The following FHAD1 variants were observed in gnomAD, a reference collection of about 807,000 sequenced individuals.
The protein encoded by FHAD1 is forkhead associated phosphopeptide binding domain 1.
FHAD1 carries 146 observed loss-of-function variants against 191.3 expected under a neutral mutation model. The observed-to-expected ratio is 0.76, with a 90% CI of 0.67 to 0.88. The LOEUF (loss-of-function observed/expected upper bound fraction) is 0.88, where lower values mean the gene tolerates loss of function less well. Among genes scored for constraint, FHAD1 ranks in the 40% least tolerant of loss-of-function variants. FHAD1 has a pLI of 0.00. For synonymous variants in FHAD1, 616 were observed against 672.3 expected (o/e 0.92, Z 1.29); for missense variants, 1,635 against 1,785.8 (o/e 0.92, Z 1.52).
At chr1:15,268,624 T>C (rs2101130263) in intron 2 of FHAD1, among the ~76,000 whole-genome samples, 1 of 148,454 alleles carries the variant, frequency 6.7e-6, no homozygotes, top group South Asian at 2.2e-4. Flanking sequence ...AGTGTAAAAG[T>C]GTTCCTATTT....
intron 2 of FHAD1, among the ~76,000 whole-genome samples, chr1:15,258,807 C>G (rs559684439): frequency 4.3e-4 from 66 of 152,146 alleles, no homozygotes; most frequent in Non-Finnish European, 7.9e-4. Flanking sequence ...AGGCTGGTCT[C>G]AAACTCCTGA....
chr1:15,259,761 G>A (rs932306542), intron 2 of FHAD1, among the ~76,000 whole-genome samples: 2 of 152,184 alleles, frequency 1.3e-5, no homozygotes, highest in Non-Finnish European at 2.9e-5. Flanking sequence ...CTGCGTGGAT[G>A]ACCCACGAGG....
intron 2 of FHAD1, among the ~76,000 whole-genome samples, chr1:15,258,037 T>C (rs1649123079): frequency 6.6e-6 from 1 of 152,176 alleles, no homozygotes; most frequent in African/African-American, 2.4e-5. Flanking sequence ...AGACGGGGTT[T>C]CGCCACATTG....
chr1:15,307,033 G>A (rs1237938195), intron 6 of FHAD1, among the ~76,000 whole-genome samples: 1 of 152,208 alleles, frequency 6.6e-6, no homozygotes, highest in Non-Finnish European at 1.5e-5. Flanking sequence ...CATGAAAGCA[G>A]CTGGGAGAGA....
Position 15,397,465 on chromosome 1 carries a change from T to G in FHAD1, c.*52T>G. 1.2e-6 allele frequency: 1 copy of G among 839,962 alleles called. No homozygotes were observed. The highest frequency in any genetic ancestry group is 2.9e-5 in the East Asian group (1 of 34,424). 52.0% of individuals were successfully genotyped at this position (839,962 alleles called of 1,614,324 possible). ...GTGATCCTCTGTGAGTTCATGTGAC[T>G]CTTCTGTGTCATCTGTGTCAAAATA... On this transcript the variant is annotated 3_prime_UTR_variant, in exon 34 of 34. Coordinates refer to ENST00000688493, the MANE Select transcript of FHAD1 (RefSeq NM_001391957.1).
chr1:15,317,004 G>C (rs1473489734), intron 9 of FHAD1, among the ~76,000 whole-genome samples: 4 of 152,256 alleles, frequency 2.6e-5, no homozygotes, highest in African/African-American at 9.6e-5. Context: ...TGGGGAACAC[G>C]GTGAAACCCC....
chr1:15,340,344 C>G (rs1028638492), intron 15 of FHAD1, among the ~76,000 whole-genome samples: 1 of 152,206 alleles, frequency 6.6e-6, no homozygotes, highest in African/African-American at 2.4e-5. Flanking sequence ...TTACTCCTCA[C>G]GTGTCTGGGG....
intron 27 of FHAD1, among the ~76,000 whole-genome samples, chr1:15,375,240 C>T (rs1249132904): frequency 1.3e-5 from 2 of 152,194 alleles, no homozygotes; most frequent in African/African-American, 2.4e-5. Context: ...GAACCACTTA[C>T]AGTACCCCCT....
In FHAD1 at chr1:15,317,936, G is replaced by A; in HGVS notation, c.1365+8G>A. On this transcript the variant is annotated splice_region_variant and intron_variant, in intron 10 of 33. Transcript: ENST00000688493. The stretch of plus-strand genomic sequence containing the variant: ...CTGAGAGAAAAAAGCAAGGTACGTA[G>A]TGGACAACAGGCCCAGAGAGTGGTG... The A allele has an allele frequency of 1.3e-6, 2 of 1,530,822 alleles. No homozygotes were observed. The highest frequency in any genetic ancestry group is 1.8e-6 in the Non-Finnish European group (2 of 1,127,990). The allele number at this position is 1,530,822 out of a possible 1,614,324, so 94.8% of individuals were successfully genotyped here.
rs1358781882 is a variant in FHAD1 at position 15,247,238 on chromosome 1, C to A, written c.-172C>A. ...GCCTGGCGGCGTTGCCATGGCAACG[C>A]GCGTACACAGGCCGGCCGGGCGGGC... On this transcript the variant is annotated 5_prime_UTR_variant, in exon 1 of 34. Transcript: ENST00000688493. 1 of 176,844 alleles carries A rather than the reference C, an allele frequency of 5.7e-6. No individual in the cohort carries two copies. Among genetic ancestry groups the A allele is most frequent in the Admixed American group, 6.5e-5 (1 of 15,370 alleles). 11.0% of individuals were successfully genotyped at this position (176,844 alleles called of 1,614,324 possible). A position where few individuals can be genotyped will look rare whatever the true frequency, so the allele number is the denominator to read the frequency against.
intron 8 of FHAD1, among the ~76,000 whole-genome samples, chr1:15,315,984 C>T (rs1382885176): frequency 1.3e-5 from 2 of 152,188 alleles, no homozygotes; most frequent in African/African-American, 2.4e-5. Context: ...TTTTCACCGC[C>T]GCTCCCAGGG....
At chr1:15,272,629 C>A in intron 3 of FHAD1, 100 bp downstream of exon 3, 2 of 1,045,744 alleles carry the variant, frequency 1.9e-6, no homozygotes, top group Non-Finnish European at 2.8e-6. Context: ...ATTGGTGCCA[C>A]TGTGATCGCA....
At chr1:15,315,980 C>G (rs1674305060) in intron 8 of FHAD1, among the ~76,000 whole-genome samples, 1 of 152,192 alleles carries the variant, frequency 6.6e-6, no homozygotes, top group African/African-American at 2.4e-5. Flanking sequence ...TCCATTTTCA[C>G]CGCCGCTCCC....
chr1:15,357,956 C>G (rs1235249862), intron 20 of FHAD1, 154 bp from the exon 21 acceptor site: 1 of 579,002 alleles, frequency 1.7e-6, no homozygotes, highest in African/African-American at 2.0e-5. Flanking sequence ...ATAATTGGAA[C>G]CTTCCAGAGA....
chr1:15,244,300 T>C (rs1450108091), upstream of FHAD1, among the ~76,000 whole-genome samples: 5 of 152,190 alleles, frequency 3.3e-5, no homozygotes, highest in African/African-American at 1.2e-4. This position sits in a 1 kb window ranked among gnomAD's most constrained non-coding sequence, Gnocchi z 5.1. Flanking sequence ...CTCCACTGAT[T>C]CTGAGTGTCA....
rs1314441113 is a variant in FHAD1 at position 15,388,005 on chromosome 1, A to G, written c.4189-46A>G. 3 of 1,109,040 alleles carry G rather than the reference A, an allele frequency of 2.7e-6. No homozygotes were observed. The South Asian group carries it at 3.9e-5, about 14-fold the overall frequency. 68.7% of individuals were successfully genotyped at this position (1,109,040 alleles called of 1,614,324 possible). ...GTCCCAGATTGGAACGGGTAAGGAC[A>G]CACTAAGGTTAGCACTCTCTTGCTA... On this transcript the variant is annotated intron_variant, in intron 31 of 33. Coordinates refer to ENST00000688493, the MANE Select transcript of FHAD1 (RefSeq NM_001391957.1).
chr1:15,376,116 G>A (rs551624053), intron 28 of FHAD1, among the ~76,000 whole-genome samples: 21 of 144,170 alleles, frequency 1.5e-4, no homozygotes, highest in African/African-American at 5.5e-4. Flanking sequence ...TTGAGACAGA[G>A]TCTCGCTCTG....
Position 15,308,632 on chromosome 1 carries a change from G to T in FHAD1, c.935G>T (p.Gly312Val). 1.3e-6 allele frequency: 2 copies of T among 1,551,704 alleles called. No homozygotes were observed. Among genetic ancestry groups the T allele is most frequent in the Non-Finnish European group, 1.7e-6 (2 of 1,146,982 alleles). ...LKSQISALQK[G>V]YSKVLCQTLS... The stretch of plus-strand genomic sequence containing the variant: ...CCACAGATCAGTGCCCTACAGAAAG[G>T]CTACAGCAAGGTGCTGTGCCAGACC... Residue 312 changes from glycine (G) to valine (V), a missense_variant, in exon 7 of 34, where the codon GGC (glycine) becomes GTC (valine). Transcript: ENST00000688493.
In FHAD1 at chr1:15,397,598, T is replaced by C. The variant is rs1706411778; in HGVS notation, c.*185T>C. On this transcript the variant is annotated 3_prime_UTR_variant, in exon 34 of 34. Transcript: ENST00000688493. ...TGGAGACTGTGGGGAGAAGGGTTCT[T>C]CTTTAAAAATACCTATGAATGTACA... 1 of 396,626 alleles carries C rather than the reference T, an allele frequency of 2.5e-6. No individual in the cohort carries two copies. Among genetic ancestry groups the C allele is most frequent in the Admixed American group, 4.1e-5 (1 of 24,120 alleles). The allele number at this position is 396,626 out of a possible 1,614,324, so 24.6% of individuals were successfully genotyped here.
Sources: gnomAD v4.1 joint callset for allele counts (sites outside exome capture counted in the v4.1 genomes callset) on GRCh38, gnomAD v4.1.1 for gene constraint, Gnocchi (gnomAD v3.1) non-coding constraint, MANE v1.5 for transcripts, NCBI Gene and HGNC (gene_info 2026-07-23, HGNC 2026-07-21) for gene names.